Variants in CDH22 observed in about 807,000 individuals in gnomAD.
CDH22 encodes the protein cadherin-22.
CDH22 carries 30 observed loss-of-function variants against 58.4 expected under a neutral mutation model. The observed-to-expected ratio is 0.51, with a 90% confidence interval of 0.38 to 0.70. The LOEUF (loss-of-function observed/expected upper bound fraction) is 0.70. Ranked by LOEUF, CDH22 falls within the 30% of genes least tolerant of loss-of-function variation. The probability of loss-of-function intolerance (pLI) is 0.00; values close to 1 mark genes in which losing one functional copy is unlikely to be tolerated. For missense variants in CDH22, 1,014 were observed against 1,233.9 expected (o/e 0.82, Z 2.67); for synonymous variants, 513 against 558.2 (o/e 0.92, Z 1.14).
At chr20:46,257,427 C>T (rs1317862161) in intron 1 of CDH22, among the ~76,000 whole-genome samples, 1 of 152,138 alleles carries the variant, frequency 6.6e-6, no homozygotes, top group Non-Finnish European at 1.5e-5. Context: ...CAAGGGGGAG[C>T]AGCGGAGATG....
At chr20:46,204,108 T>C (rs1037300642) in intron 7 of CDH22, among the ~76,000 whole-genome samples, 2 of 151,860 alleles carry the variant, frequency 1.3e-5, no homozygotes, top group Non-Finnish European at 2.9e-5. Context: ...AAAATGGAGA[T>C]AGTAGGCCGG....
At chr20:46,249,755 A>G (rs1017661913) in intron 2 of CDH22, among the ~76,000 whole-genome samples, 4 of 152,082 alleles carry the variant, frequency 2.6e-5, no homozygotes, top group African/African-American at 7.2e-5. Context: ...CCCCACTTTC[A>G]TGCCCTACAA....
chr20:46,272,746 T>C (rs2086497991), intron 1 of CDH22, among the ~76,000 whole-genome samples: 1 of 152,238 alleles, frequency 6.6e-6, no homozygotes, highest in Admixed American at 6.5e-5. Context: ...CTGTCTTCCC[T>C]GCTGGGCTGT....
intron 2 of CDH22, among the ~76,000 whole-genome samples, chr20:46,243,641 C>T (rs1417783761): frequency 2.0e-5 from 3 of 152,190 alleles, no homozygotes; most frequent in Non-Finnish European, 4.4e-5. Context: ...CTCCTGTTTG[C>T]TGTTTATACG....
chr20:46,260,579 A>G (rs1180552493), intron 1 of CDH22, among the ~76,000 whole-genome samples: 1 of 152,194 alleles, frequency 6.6e-6, no homozygotes, highest in African/African-American at 2.4e-5. Flanking sequence ...GGGACTCAGG[A>G]GAGGCTTGCT....
chr20:46,209,865 T>G, intron 7 of CDH22: 1 of 159,824 alleles, frequency 6.3e-6, no homozygotes, highest in Non-Finnish European at 1.4e-5. Context: ...AGGAACCCAG[T>G]TCTGAACTTA....
chr20:46,282,959 G>A (rs1249973743), intron 1 of CDH22, among the ~76,000 whole-genome samples: 4 of 152,200 alleles, frequency 2.6e-5, no homozygotes, highest in Non-Finnish European at 5.9e-5. Context: ...GCCAGGTCTA[G>A]GGGAGCCTGG....
rs965664728 is a variant in CDH22 at position 46,251,252 on chromosome 20, C to G, written c.43G>C (p.Ala15Pro). ...AGCAGCAGTAGCGCGGGGGACAGCG[C>G]GACTCCCGCCCGGAGCCCCCTACCT... ...PEGRGLRAGV[A>P]LSPALLLLLL... The change falls in exon 2 of 12, where the codon GCG becomes CCG. Residue 15 changes from alanine to proline, a missense_variant. Ala to Pro is a conservative substitution (Grantham distance 27, BLOSUM62 -1). Transcript: ENST00000537909. This position sits in a 1 kb window ranked among gnomAD's most constrained non-coding sequence, Gnocchi z 6.7. 45 of 1,469,268 alleles carry G rather than the reference C, an allele frequency of 3.1e-5. No individual in the cohort carries two copies. The highest frequency in any genetic ancestry group is 4.0e-5 in the Non-Finnish European group (45 of 1,114,518). 91.0% of individuals were successfully genotyped at this position (1,469,268 alleles called of 1,614,324 possible). A position where few individuals can be genotyped will look rare whatever the true frequency, so the allele number is the denominator to read the frequency against.
At chr20:46,209,473 C>A (rs2425784) in intron 7 of CDH22, among the ~76,000 whole-genome samples, 16,007 of 152,084 alleles carry the variant, frequency 0.11, 967 homozygotes, top group Middle Eastern at 0.17. Flanking sequence ...AGGGCTTGGG[C>A]AGAGCAGGGC....
chr20:46,260,969 T>C (rs1205318673), intron 1 of CDH22, among the ~76,000 whole-genome samples: 1 of 152,148 alleles, frequency 6.6e-6, no homozygotes, highest in East Asian at 1.9e-4. Context: ...GCCTGGGGCT[T>C]CTGCACCCCT....
intron 1 of CDH22, among the ~76,000 whole-genome samples, chr20:46,302,769 G>A (rs1174546737): frequency 2.6e-5 from 4 of 151,946 alleles, no homozygotes; most frequent in South Asian, 4.2e-4. Flanking sequence ...TCTCACCCTC[G>A]ACCTGTCCAC....
chr20:46,306,019 C>A (rs899628723), intron 1 of CDH22, among the ~76,000 whole-genome samples: 2 of 152,228 alleles, frequency 1.3e-5, no homozygotes. Flanking sequence ...GTGACTCACC[C>A]GGAGGTCACA....
chr20:46,210,181 TC>T lies in CDH22; in HGVS notation c.1286+125del. ...CCGTGCGCCTCTCTCCGCGCCTCCCTCCCCCACGCAGCCCCTTCCTTCGGCC... is the reference window on the plus strand; with the variant it reads ...CCGTGCGCCTCTCTCCGCGCCTCCCTCCCCACGCAGCCCCTTCCTTCGGCC... On this transcript the variant is annotated intron_variant, in intron 7 of 11. Coordinates refer to ENST00000537909, the MANE Select transcript of CDH22 (RefSeq NM_021248.3). This position sits in a 1 kb window ranked among gnomAD's most constrained non-coding sequence, Gnocchi z 4.5. 9.9e-7 allele frequency: 1 copy of T among 1,013,494 alleles called. No homozygotes were observed. The highest frequency in any genetic ancestry group is 1.3e-6 in the Non-Finnish European group (1 of 760,934). 62.8% of individuals were successfully genotyped at this position (1,013,494 alleles called of 1,614,324 possible). A position where few individuals can be genotyped will look rare whatever the true frequency, so the allele number is the denominator to read the frequency against.
intron 3 of CDH22, among the ~76,000 whole-genome samples, chr20:46,234,573 C>T (rs1193895370): frequency 3.3e-5 from 5 of 152,232 alleles, no homozygotes; most frequent in Non-Finnish European, 5.9e-5. Context: ...ATTAAATATG[C>T]TGCTCACAGA....
Position 46,271,160 on chromosome 20 carries a change from G to A in CDH22, c.-399-19467C>T, listed in dbSNP as rs572659929. Among the ~76,000 whole-genome samples the A allele has an allele frequency of 5.3e-5, 8 of 152,322 alleles. No individual in the cohort carries two copies. In the South Asian group the frequency reaches 1.7e-3, roughly 32 times the overall value. The stretch of plus-strand genomic sequence containing the variant: ...GGGACCACCCTGGGCTGAGCCCATT[G>A]TAAACATCCATTTATCAAAGCCCCA... On this transcript the variant is annotated intron_variant, in intron 1 of 11. Coordinates refer to ENST00000537909, the MANE Select transcript of CDH22 (RefSeq NM_021248.3).
At chr20:46,252,017 C>T (rs1165592671) in intron 1 of CDH22, among the ~76,000 whole-genome samples, 1 of 152,032 alleles carries the variant, frequency 6.6e-6, no homozygotes, top group Non-Finnish European at 1.5e-5. Context: ...GGCGGTGCCC[C>T]TGACCTGGCT....
chr20:46,187,274 C>G (rs1030497353), intron 8 of CDH22, among the ~76,000 whole-genome samples: 1 of 152,012 alleles, frequency 6.6e-6, no homozygotes, highest in Non-Finnish European at 1.5e-5. Flanking sequence ...CCCATCTCCA[C>G]CATGGCCACC....
At position 46,251,215 on chromosome 20, in the gene CDH22, G is replaced by GGCAGCA. The variant is rs747181004; in HGVS notation, c.74_79dup (p.Leu25_Leu26dup). ...GCGCCCCAGCAGCGTCGGCGGCGGC[G>GGCAGCA]GCAGCAGCAGCAGCAGCAGTAGCGC... On this transcript the variant is annotated inframe_insertion, in exon 2 of 12. Transcript: ENST00000537909. This position sits in a 1 kb window ranked among gnomAD's most constrained non-coding sequence, Gnocchi z 6.7. 61 of 1,462,760 alleles carry GGCAGCA rather than the reference G, an allele frequency of 4.2e-5. 1 individual carries two copies. In the South Asian group the frequency reaches 6.8e-4, roughly 16 times the overall value. The allele number at this position is 1,462,760 out of a possible 1,614,324, so 90.6% of individuals were successfully genotyped here. A position where few individuals can be genotyped will look rare whatever the true frequency, so the allele number is the denominator to read the frequency against.
intron 1 of CDH22, among the ~76,000 whole-genome samples, chr20:46,305,742 A>C (rs1322370443): frequency 3.3e-5 from 5 of 152,144 alleles, no homozygotes; most frequent in Non-Finnish European, 7.4e-5. Context: ...TAATTGGCTG[A>C]CTCTTATCGC....
Sources: gnomAD v4.1 joint callset for allele counts (sites outside exome capture counted in the v4.1 genomes callset) on GRCh38, gnomAD v4.1.1 for gene constraint, Gnocchi (gnomAD v3.1) non-coding constraint, MANE v1.5 for transcripts, NCBI Gene and HGNC (gene_info 2026-07-23, HGNC 2026-07-21) for gene names.